Variants in NEK7 observed in about 807,000 individuals in gnomAD.
The protein encoded by NEK7 is serine/threonine-protein kinase Nek7.
NEK7 carries 18 observed loss-of-function variants against 44.6 expected under a neutral mutation model. The ratio of observed to expected loss-of-function variants is 0.40; its 90% CI spans 0.28 to 0.60. The LOEUF (loss-of-function observed/expected upper bound fraction) is 0.60, where lower values mean the gene tolerates loss of function less well. Ranked by LOEUF, NEK7 falls within the 20% of genes least tolerant of loss-of-function variation. NEK7 has a pLI of 0.38. For missense variants in NEK7, 256 were observed against 366.5 expected (o/e 0.70, Z 2.46); for synonymous variants, 130 against 121.1 (o/e 1.07, Z -0.48).
rs151147726 is a variant in NEK7, at chr1:198,252,836, G to A, written c.58-204G>A. On this transcript the variant is annotated intron_variant, in intron 2 of 9. Coordinates refer to ENST00000367385, the MANE Select transcript of NEK7 (RefSeq NM_133494.3). ...TAGAATGTAAGTTCCTCAGGTACAGGGATTATTGTCTCTCTAGTCTGCTAC... is the reference window on the plus strand; with the variant it reads ...TAGAATGTAAGTTCCTCAGGTACAGAGATTATTGTCTCTCTAGTCTGCTAC... 5.0e-3 allele frequency among the ~76,000 whole-genome samples: 754 copies of A among 151,604 alleles called. 3 individuals carry two copies. Among genetic ancestry groups the A allele is most frequent in the African/African-American group, 0.018 (725 of 41,328 alleles).
At chr1:198,308,597 T>C (rs1469772503) in intron 9 of NEK7, among the ~76,000 whole-genome samples, 1 of 152,250 alleles carries the variant, frequency 6.6e-6, no homozygotes, top group Non-Finnish European at 1.5e-5. Context: ...TTTGTCTGTC[T>C]TTGTACCAAG....
In NEK7 at chr1:198,261,838, A is replaced by G. The variant is rs1056825248; in HGVS notation, c.199-737A>G. Among the ~76,000 whole-genome samples, 7 of 151,812 alleles carry G rather than the reference A, an allele frequency of 4.6e-5. No individual in the cohort carries two copies. The South Asian group carries it at 1.5e-3, about 32-fold the overall frequency. On this transcript the variant is annotated intron_variant, in intron 3 of 9. Transcript: ENST00000367385. ...ACCTTTTCTTCATTATCCTCCCCCC[A>G]AGCTGCCTGTTTAGACATTTCTTCC... is the stretch of plus-strand genomic sequence containing the variant.
rs1338665572 is a variant in NEK7 at position 198,321,950 on chromosome 1, A to C, written c.*2428A>C. ...TGGTACCAGTTACCCAGGTGAAAAT[A>C]TGGAGTAACTTTGTTTTGTATGGTA... On this transcript the variant is annotated 3_prime_UTR_variant, in exon 10 of 10. Transcript: ENST00000367385. The C allele has an allele frequency of 1.3e-5, 2 of 152,178 alleles. No individual in the cohort carries two copies. Among genetic ancestry groups the C allele is most frequent in the Non-Finnish European group, 2.9e-5 (2 of 67,988 alleles). 9.4% of individuals were successfully genotyped at this position (152,178 alleles called of 1,614,324 possible).
chr1:198,203,326 G>C (rs1226995531), intron 1 of NEK7, among the ~76,000 whole-genome samples: 1 of 152,098 alleles, frequency 6.6e-6, no homozygotes, highest in Non-Finnish European at 1.5e-5. Flanking sequence ...ATAATGAAGA[G>C]GAACATAAAA....
intron 1 of NEK7, among the ~76,000 whole-genome samples, chr1:198,225,365 G>A (rs1427282941): frequency 6.6e-6 from 1 of 152,016 alleles, no homozygotes; most frequent in African/African-American, 2.4e-5. Context: ...GAACACTTCA[G>A]GAAAGTGGGT....
intron 1 of NEK7, among the ~76,000 whole-genome samples, chr1:198,201,794 C>G (rs919399247): frequency 3.9e-5 from 6 of 152,012 alleles, no homozygotes; most frequent in Non-Finnish European, 5.9e-5. Flanking sequence ...AGTTTTTGCA[C>G]CAGAGATTTG....
intron 7 of NEK7, among the ~76,000 whole-genome samples, chr1:198,292,101 A>G (rs1434476091): frequency 6.6e-6 from 1 of 152,108 alleles, no homozygotes; most frequent in Non-Finnish European, 1.5e-5. Context: ...CCTTAGACTA[A>G]TGATGATGAA....
chr1:198,200,226 G>C (rs1353793074), intron 1 of NEK7, among the ~76,000 whole-genome samples: 1 of 152,074 alleles, frequency 6.6e-6, no homozygotes, highest in East Asian at 1.9e-4. Flanking sequence ...CTAATTTATA[G>C]AGCATATTAA....
At chr1:198,294,491 C>T (rs1355718306) in intron 8 of NEK7, among the ~76,000 whole-genome samples, 1 of 151,896 alleles carries the variant, frequency 6.6e-6, no homozygotes, top group East Asian at 1.9e-4. Context: ...TCTTCAAATC[C>T]CTAAAAGTAA....
Position 198,242,203 on chromosome 1 carries a change from A to C in NEK7, c.57+9566A>C, listed in dbSNP as rs544611374. 7.2e-5 allele frequency among the ~76,000 whole-genome samples: 11 copies of C among 152,006 alleles called. No individual in the cohort carries two copies. The East Asian group carries it at 1.9e-3, about 27-fold the overall frequency. ...AGGCCACACCTACTACCTCCTGTCC[A>C]GTCTCCCTGCTTCCATTCTTGCTCT... On this transcript the variant is annotated intron_variant, in intron 2 of 9. Transcript: ENST00000367385.
intron 1 of NEK7, chr1:198,197,906 A>G (rs979586496): frequency 2.1e-5 from 27 of 1,282,904 alleles, no homozygotes; most frequent in Non-Finnish European, 3.0e-5. Flanking sequence ...TAGTCCGAAC[A>G]TGCCAGGAGC....
rs552803932 is a variant in NEK7 at position 198,190,456 on chromosome 1, T to C, written c.-29+33180T>C. On this transcript the variant is annotated intron_variant, in intron 1 of 9. Transcript: ENST00000367385. ...TAAGCTTTAATAAAATGCATATTTA[T>C]TAAGAGTATACTGTTTTATGGACTT... Among the ~76,000 whole-genome samples the C allele has an allele frequency of 7.9e-5, 12 of 152,214 alleles. No individual in the cohort carries two copies. The East Asian group carries it at 1.7e-3, about 22-fold the overall frequency.
intron 2 of NEK7, among the ~76,000 whole-genome samples, chr1:198,238,281 C>T (rs765549875): frequency 6.6e-6 from 1 of 152,064 alleles, no homozygotes; most frequent in Non-Finnish European, 1.5e-5. Flanking sequence ...ATCAGGAGGT[C>T]GGAACCACAA....
chr1:198,288,814 T>C (rs1436688059), intron 7 of NEK7, among the ~76,000 whole-genome samples: 6 of 152,156 alleles, frequency 3.9e-5, no homozygotes, highest in African/African-American at 1.2e-4. Flanking sequence ...TTCAGCAAGA[T>C]AATACATAGG....
At chr1:198,265,131 G>A (rs912492876) in intron 5 of NEK7, among the ~76,000 whole-genome samples, 2 of 152,048 alleles carry the variant, frequency 1.3e-5, no homozygotes, top group African/African-American at 2.4e-5. Flanking sequence ...GGGACAAAGA[G>A]TACATGCTGG....
chr1:198,232,299 A>G (rs1666418901), intron 1 of NEK7, among the ~76,000 whole-genome samples: 1 of 152,148 alleles, frequency 6.6e-6, no homozygotes, highest in Non-Finnish European at 1.5e-5. Context: ...CAGAAGAAGG[A>G]ATTTCATCTC....
At chr1:198,302,251 G>T (rs1654909745) in intron 9 of NEK7, among the ~76,000 whole-genome samples, 1 of 151,894 alleles carries the variant, frequency 6.6e-6, no homozygotes, top group African/African-American at 2.4e-5. Context: ...TAATATGAAT[G>T]AATCATAAAC....
At chr1:198,199,550 T>C (rs1665355770) in intron 1 of NEK7, among the ~76,000 whole-genome samples, 1 of 152,218 alleles carries the variant, frequency 6.6e-6, no homozygotes. Context: ...TTTATATTGC[T>C]TTTTCTGTTT....
chr1:198,160,165 C>T (rs1462420918), intron 1 of NEK7, among the ~76,000 whole-genome samples: 2 of 152,060 alleles, frequency 1.3e-5, no homozygotes, highest in East Asian at 3.8e-4. Flanking sequence ...AAGAATGTAC[C>T]TCTGTAGTAT....
Sources: gnomAD v4.1 joint callset for allele counts (sites outside exome capture counted in the v4.1 genomes callset) on GRCh38, gnomAD v4.1.1 for gene constraint, MANE v1.5 for transcripts, NCBI Gene and HGNC (gene_info 2026-07-23, HGNC 2026-07-21) for gene names.